GALNT10: variants seen among roughly 807,000 people sequenced by gnomAD.
GALNT10 encodes polypeptide N-acetylgalactosaminyltransferase 10.
A neutral mutation model predicts 75.0 loss-of-function variants in GALNT10; 41 were observed. That is an observed-to-expected ratio of 0.55 (90% confidence interval 0.43 to 0.71). The LOEUF is 0.71. Among genes scored for constraint, GALNT10 ranks in the 30% least tolerant of loss-of-function variants. GALNT10 has a pLI of 0.00. For missense variants in GALNT10, 727 were observed against 818.5 expected, an observed-to-expected ratio of 0.89 and a Z score of 1.36; for synonymous variants, 302 against 313.0, an observed-to-expected ratio of 0.96 and a Z score of 0.37.
chr5:154,193,869 T>C (rs1304668491), intron 1 of GALNT10, among the ~76,000 whole-genome samples: 1 of 152,210 alleles, frequency 6.6e-6, no homozygotes, highest in Non-Finnish European at 1.5e-5. Context: ...CTGGGTGGGA[T>C]AGCTGATTTA....
At chr5:154,208,500 A>G (rs1463253825) in intron 1 of GALNT10, among the ~76,000 whole-genome samples, 1 of 152,108 alleles carries the variant, frequency 6.6e-6, no homozygotes, top group South Asian at 2.1e-4. Context: ...CATTTCTTAC[A>G]TTTTAAAATG....
intron 4 of GALNT10, among the ~76,000 whole-genome samples, chr5:154,355,977 C>T (rs964071232): frequency 1.3e-5 from 2 of 152,148 alleles, no homozygotes; most frequent in African/African-American, 4.8e-5. Context: ...GGTCATAGAC[C>T]GAGTACCTGG....
At chr5:154,215,395 T>A (rs1339079371) in intron 1 of GALNT10, among the ~76,000 whole-genome samples, 1 of 152,026 alleles carries the variant, frequency 6.6e-6, no homozygotes, top group African/African-American at 2.4e-5. Flanking sequence ...GGCAGGAGAA[T>A]GGCGTGAACC....
At chr5:154,345,659 G>C (rs1173607998) in intron 4 of GALNT10, among the ~76,000 whole-genome samples, 5 of 115,784 alleles carry the variant, frequency 4.3e-5, no homozygotes, top group African/African-American at 1.8e-4. Flanking sequence ...TTTTAAGAAA[G>C]AGTTTCACTC....
At chr5:154,330,907 G>GT (rs1561663286) in intron 4 of GALNT10, among the ~76,000 whole-genome samples, 1,980 of 101,826 alleles carry the variant, frequency 0.019, 42 homozygotes, top group African/African-American at 0.075. Flanking sequence ...GAGACAGAGA[G>GT]GGTGTGTGTG....
intron 4 of GALNT10, among the ~76,000 whole-genome samples, chr5:154,336,597 T>A (rs900002252): frequency 1.3e-5 from 2 of 152,246 alleles, no homozygotes; most frequent in Non-Finnish European, 1.5e-5. Context: ...GAGCATCTCT[T>A]TGTATGCCTA....
At chr5:154,255,702 G>A (rs3863199) in intron 1 of GALNT10, among the ~76,000 whole-genome samples, 98,862 of 151,676 alleles carry the variant, frequency 0.65, 32,612 homozygotes, top group East Asian at 0.86. Context: ...TTCCCACGCT[G>A]GTGGCTGGCT....
rs139149972 is a variant in GALNT10, at chr5:154,386,788, G to A, written c.1056+358G>A. ...AGCAGTGGGCCAGAGAAGCTAGGAA[G>A]GCCAAACAGGATACGTAGGCCTAGA... On this transcript the variant is annotated intron_variant, in intron 7 of 11. Coordinates refer to ENST00000297107, the MANE Select transcript of GALNT10 (RefSeq NM_198321.4). 276 of 480,536 alleles carry A rather than the reference G, an allele frequency of 5.7e-4. 2 individuals are homozygous for A. The East Asian group carries it at 0.011, about 19-fold the overall frequency. The allele number at this position is 480,536 out of a possible 1,614,324, so 29.8% of individuals were successfully genotyped here. A position where few individuals can be genotyped will look rare whatever the true frequency, so the allele number is the denominator to read the frequency against.
intron 1 of GALNT10, among the ~76,000 whole-genome samples, chr5:154,197,252 G>A (rs897505680): frequency 1.3e-5 from 2 of 151,910 alleles, no homozygotes; most frequent in Non-Finnish European, 2.9e-5. Flanking sequence ...CCTCACAGAC[G>A]TCCCGAGAAC....
chr5:154,219,838 T>TACACACACACA (rs1752947554), intron 1 of GALNT10, among the ~76,000 whole-genome samples: 1 of 125,556 alleles, frequency 8.0e-6, no homozygotes, highest in African/African-American at 2.9e-5. Flanking sequence ...TCTCTCTCTC[T>TACACACACACA]CACACACACA....
rs770009041 is a variant in GALNT10 at position 154,412,082 on chromosome 5, G to A, written c.1387-807G>A. 2.6e-4 allele frequency among the ~76,000 whole-genome samples: 39 copies of A among 152,310 alleles called. No homozygotes were observed. Among genetic ancestry groups the A allele is most frequent in the Middle Eastern group, 6.8e-3 (2 of 294 alleles). On this transcript the variant is annotated intron_variant, in intron 9 of 11. Coordinates refer to ENST00000297107, the MANE Select transcript of GALNT10 (RefSeq NM_198321.4). This position sits in a 1 kb window ranked among gnomAD's most constrained non-coding sequence, Gnocchi z 4.2. ...GATCCATCCATGGGTGGACACAGTG[G>A]TGGATTCAGAATACAGGATCTGGGT... is the stretch of plus-strand genomic sequence containing the variant.
At chr5:154,378,349 C>T (rs1057490173) in intron 5 of GALNT10, among the ~76,000 whole-genome samples, 4 of 83,260 alleles carry the variant, frequency 4.8e-5, no homozygotes, top group East Asian at 3.3e-4. Context: ...ATCATTATCA[C>T]GGCTCTCATA....
At chr5:154,250,204 G>C (rs992323672) in intron 1 of GALNT10, among the ~76,000 whole-genome samples, 15 of 152,098 alleles carry the variant, frequency 9.9e-5, no homozygotes, top group African/African-American at 3.6e-4. Context: ...GATTGTTCAG[G>C]GCAACTGATA....
chr5:154,412,775 T>C lies in GALNT10; in HGVS notation c.1387-114T>C, dbSNP rs143529554. On this transcript the variant is annotated intron_variant, in intron 9 of 11. Transcript: ENST00000297107. The surrounding 1 kb of genome is among the most constrained non-coding windows in gnomAD (Gnocchi z 4.2). ...CCAGGGCAAGCTTTATCAAGACGAT[T>C]TGAAGGTTAATCCAGCTAATGTCTC... 1,935 of 784,182 alleles carry C rather than the reference T, an allele frequency of 2.5e-3. 39 individuals are homozygous for C. The highest frequency in any genetic ancestry group is 0.017 in the East Asian group (692 of 40,844). 48.6% of individuals were successfully genotyped at this position (784,182 alleles called of 1,614,324 possible).
intron 1 of GALNT10, among the ~76,000 whole-genome samples, chr5:154,261,094 C>G (rs746976648): frequency 5.3e-5 from 8 of 152,096 alleles, no homozygotes; most frequent in Non-Finnish European, 1.0e-4. Context: ...ACAGCTGTGT[C>G]CAGCCAATCA....
At position 154,294,831 on chromosome 5, in the gene GALNT10, CA is replaced by C; in HGVS notation, c.179del (p.Lys60ArgfsTer12). ...TTTTTTTAAGGGCTCACACAGTCGA[CA>C]AAAGAAAACGTTTTTCTTGGGAGAT... ...PAAGQGSHSR[Q>X]KKTFFLGDGQ... On this transcript the variant is annotated frameshift_variant, in exon 2 of 12. Coordinates refer to ENST00000297107, the MANE Select transcript of GALNT10 (RefSeq NM_198321.4). LOFTEE classifies it high-confidence loss of function. The C allele has an allele frequency of 6.3e-7, 1 of 1,594,706 alleles. No homozygotes were observed. Among genetic ancestry groups the C allele is most frequent in the Non-Finnish European group, 8.6e-7 (1 of 1,162,308 alleles).
Position 154,376,281 on chromosome 5 carries a change from C to T in GALNT10, c.573C>T (p.His191=), listed in dbSNP as rs141702981. The change falls in exon 5 of 12, where the codon CAC becomes CAT. Residue 191 remains histidine (H), a synonymous_variant. Coordinates refer to ENST00000297107, the MANE Select transcript of GALNT10 (RefSeq NM_198321.4). The surrounding 1 kb of genome is among the most constrained non-coding windows in gnomAD (Gnocchi z 4.1). ...VLVDDFSDRE[H]LKKPLEDYMA... The stretch of plus-strand genomic sequence containing the variant: ...CTGTCCTCTTCTGTCTCATAGAGCA[C>T]CTGAAGAAGCCTCTTGAAGACTACA... 978 of 1,605,204 alleles carry T rather than the reference C, an allele frequency of 6.1e-4. No individual in the cohort carries two copies. Among genetic ancestry groups the T allele is most frequent in the Admixed American group, 8.9e-4 (53 of 59,394 alleles).
At chr5:154,342,225 C>T (rs894937186) in intron 4 of GALNT10, among the ~76,000 whole-genome samples, 12 of 152,132 alleles carry the variant, frequency 7.9e-5, no homozygotes, top group African/African-American at 1.7e-4. Context: ...ATGAGCTAAA[C>T]GATGCAATGA....
At chr5:154,208,554 A>G (rs1775144875) in intron 1 of GALNT10, among the ~76,000 whole-genome samples, 1 of 152,210 alleles carries the variant, frequency 6.6e-6, no homozygotes, top group African/African-American at 2.4e-5. Context: ...TATCAGGATT[A>G]AAGGAATTCA....
Sources: allele counts gnomAD v4.1 joint callset (sites outside exome capture counted in the v4.1 genomes callset), GRCh38; gene constraint gnomAD v4.1.1; non-coding constraint Gnocchi (gnomAD v3.1); transcripts MANE v1.5; gene names NCBI Gene and HGNC (gene_info 2026-07-23, HGNC 2026-07-21).